Variants in UBAP2 observed in about 807,000 individuals in gnomAD.
UBAP2 encodes the protein ubiquitin-associated protein 2.
In UBAP2, 75 loss-of-function variants were observed where a neutral mutation model predicts 139.6. The observed-to-expected ratio is 0.54, with a 90% CI of 0.45 to 0.65. The LOEUF is 0.65. Among genes scored for constraint, UBAP2 ranks in the 30% least tolerant of loss-of-function variants. UBAP2 has a pLI of 0.00. For missense variants in UBAP2, 1,368 were observed against 1,369.6 expected (o/e 1.00, Z 0.02); for synonymous variants, 526 against 526.2 (o/e 1.00, Z 0.01).
intron 17 of UBAP2, among the ~76,000 whole-genome samples, chr9:33,934,678 C>A (rs1357229029): frequency 6.6e-6 from 1 of 151,994 alleles, no homozygotes; most frequent in African/African-American, 2.4e-5. Flanking sequence ...AACAAACAAA[C>A]AAAATGGGGA....
At chr9:34,011,231 T>A (rs1163245822) in intron 2 of UBAP2, among the ~76,000 whole-genome samples, 2 of 152,178 alleles carry the variant, frequency 1.3e-5, no homozygotes, top group East Asian at 3.9e-4. Context: ...CTGATACTGT[T>A]TCACCCATAC....
intron 6 of UBAP2, among the ~76,000 whole-genome samples, chr9:33,974,089 G>C (rs2131065256): frequency 6.6e-6 from 1 of 152,226 alleles, no homozygotes; most frequent in African/African-American, 2.4e-5. Context: ...TACCTGACAG[G>C]CTGAAGCAGG....
chr9:34,026,180 C>T lies in UBAP2; in HGVS notation c.-41-8991G>A, dbSNP rs1316147026. On this transcript the variant is annotated intron_variant, in intron 1 of 28. Coordinates refer to ENST00000379238, the MANE Select transcript of UBAP2 (RefSeq NM_001370062.2). Reference sequence around the variant, plus strand: ...AACATACTGAGAAGAGGGAAGATTTCAACAGACATTTAATAAAAGTTTGAA... The same window carrying T: ...AACATACTGAGAAGAGGGAAGATTTTAACAGACATTTAATAAAAGTTTGAA... Among the ~76,000 whole-genome samples, 3 of 152,288 alleles carry T rather than the reference C, an allele frequency of 2.0e-5. No individual in the cohort carries two copies. In the East Asian group the frequency reaches 5.8e-4, roughly 29 times the overall value.
chr9:33,978,707 G>A (rs544316468), intron 6 of UBAP2, among the ~76,000 whole-genome samples: 3 of 152,204 alleles, frequency 2.0e-5, no homozygotes, highest in Non-Finnish European at 4.4e-5. Flanking sequence ...GTGAACCCAG[G>A]AGGGGGAGCG....
chr9:34,023,422 T>A (rs1361936124), intron 1 of UBAP2, among the ~76,000 whole-genome samples: 1 of 152,180 alleles, frequency 6.6e-6, no homozygotes, highest in Non-Finnish European at 1.5e-5. Flanking sequence ...CATTTTGATA[T>A]AATGTACATG....
At chr9:34,000,165 G>A (rs1038286363) in intron 2 of UBAP2, among the ~76,000 whole-genome samples, 11 of 151,780 alleles carry the variant, frequency 7.2e-5, no homozygotes, top group Admixed American at 2.6e-4. Flanking sequence ...CTCAGACTGC[G>A]GTGTAGTGAT....
chr9:33,971,350 T>C (rs1171733349), intron 8 of UBAP2, among the ~76,000 whole-genome samples: 1 of 152,172 alleles, frequency 6.6e-6, no homozygotes, highest in African/African-American at 2.4e-5. Flanking sequence ...CCTCAGAAAT[T>C]CTATATATCT....
At chr9:33,963,388 C>T (rs1034690159) in intron 9 of UBAP2, among the ~76,000 whole-genome samples, 6 of 152,112 alleles carry the variant, frequency 3.9e-5, no homozygotes, top group Non-Finnish European at 8.8e-5. Context: ...CAAAATATAA[C>T]GGAAAAACTT....
chr9:33,943,562 C>G lies in UBAP2; in HGVS notation c.1573G>C (p.Gly525Arg), dbSNP rs776093485. The change falls in exon 15 of 29, where the codon GGT (glycine) becomes CGT (arginine). Residue 525 changes from glycine to arginine, a missense_variant. Physicochemically the swap from Gly to Arg is moderately radical, Grantham distance 125. Coordinates refer to ENST00000379238, the MANE Select transcript of UBAP2 (RefSeq NM_001370062.2). ...KIPASAVEMPGSADVTGLNVQ... is the reference protein window; with the variant it reads ...KIPASAVEMPRSADVTGLNVQ... ...TTTAATCCTGTGACATCTGCTGAAC[C>G]AGGCATTTCCACTGCAGAAGCTGGG... 3 of 1,613,950 alleles carry G rather than the reference C, an allele frequency of 1.9e-6. No individual in the cohort carries two copies. The highest frequency in any genetic ancestry group is 1.7e-5 in the Admixed American group (1 of 59,992).
intron 12 of UBAP2, among the ~76,000 whole-genome samples, chr9:33,951,491 C>T (rs1056697036): frequency 2.6e-5 from 4 of 151,654 alleles, no homozygotes; most frequent in East Asian, 1.9e-4. Flanking sequence ...GGATTATAGG[C>T]GCCCACCACT....
chr9:33,925,345 G>T (rs1280101464), intron 22 of UBAP2, among the ~76,000 whole-genome samples: 5 of 152,132 alleles, frequency 3.3e-5, no homozygotes, highest in Admixed American at 2.0e-4. Context: ...CCCAGAAGGG[G>T]GAGCACTTTC....
chr9:33,955,724 G>A (rs1826502895), intron 11 of UBAP2, among the ~76,000 whole-genome samples: 1 of 151,868 alleles, frequency 6.6e-6, no homozygotes. Flanking sequence ...TACCTGGGAG[G>A]CTTGAGGCAG....
chr9:33,944,626 T>A lies in UBAP2; in HGVS notation c.1284A>T (p.Gln428His), dbSNP rs199527164. The stretch of plus-strand genomic sequence containing the variant: ...GGCTAAGAACTGGGGATGGCTCAGG[T>A]TGAGATTTGAAGTCTAAAAAAAGTA... ...SVLSHLDFKS[Q>H]PEPSPVLSQL... Residue 428 changes from glutamine to histidine, a missense_variant, in exon 14 of 29, where the codon CAA (glutamine) becomes CAT (histidine). By Grantham distance (24) the Gln-to-His change is conservative. Coordinates refer to ENST00000379238, the MANE Select transcript of UBAP2 (RefSeq NM_001370062.2). 192 of 1,613,144 alleles carry A rather than the reference T, an allele frequency of 1.2e-4. No individual in the cohort carries two copies. The East Asian group carries it at 4.2e-3, about 35-fold the overall frequency.
intron 2 of UBAP2, 52 bp from the exon 3 acceptor site, chr9:33,998,916 G>C (rs1398154894): frequency 2.7e-6 from 4 of 1,508,468 alleles, no homozygotes; most frequent in Non-Finnish European, 3.6e-6. Flanking sequence ...GCATAAGTTA[G>C]ATTCCAAAAT....
At chr9:33,993,847 C>T (rs1315433374) in intron 4 of UBAP2, among the ~76,000 whole-genome samples, 2 of 151,262 alleles carry the variant, frequency 1.3e-5, no homozygotes, top group African/African-American at 2.4e-5. Context: ...TAAAATCGTT[C>T]AAGAGGTAAC....
At chr9:34,002,619 G>C (rs1245100543) in intron 2 of UBAP2, among the ~76,000 whole-genome samples, 1 of 151,740 alleles carries the variant, frequency 6.6e-6, no homozygotes, top group African/African-American at 2.4e-5. Context: ...CTCATGATCC[G>C]CCCACCTCGG....
chr9:33,990,343 T>C (rs1821594322), intron 4 of UBAP2, among the ~76,000 whole-genome samples: 1 of 152,194 alleles, frequency 6.6e-6, no homozygotes, highest in Non-Finnish European at 1.5e-5. Flanking sequence ...AAACTAAAAT[T>C]TGGGTGATAA....
chr9:34,014,077 C>T (rs750364208), intron 2 of UBAP2, among the ~76,000 whole-genome samples: 1 of 151,718 alleles, frequency 6.6e-6, no homozygotes, highest in African/African-American at 2.4e-5. Flanking sequence ...AATCCCAACA[C>T]CTTGGGAGAT....
In UBAP2 at chr9:33,996,577, A is replaced by T; in HGVS notation, c.178-244T>A. The T allele has an allele frequency of 1.1e-5, 5 of 443,690 alleles. No homozygotes were observed. In the South Asian group the frequency reaches 1.6e-4, roughly 14 times the overall value. The allele number at this position is 443,690 out of a possible 1,614,324, so 27.5% of individuals were successfully genotyped here. A position where few individuals can be genotyped will look rare whatever the true frequency, so the allele number is the denominator to read the frequency against. ...TTCCTCCAAGTTGACCAAGGAGCAG[A>T]TCATTAATCAGCAGCACACACATAC... On this transcript the variant is annotated intron_variant, in intron 3 of 28. Transcript: ENST00000379238.
Sources: gnomAD v4.1 joint callset for allele counts (sites outside exome capture counted in the v4.1 genomes callset) on GRCh38, gnomAD v4.1.1 for gene constraint, MANE v1.5 for transcripts, NCBI Gene and HGNC (gene_info 2026-07-23, HGNC 2026-07-21) for gene names.